TTC17: variants seen among roughly 807,000 people sequenced by gnomAD.
TTC17 encodes the protein tetratricopeptide repeat protein 17.
In TTC17, 58 loss-of-function variants were observed where a neutral mutation model predicts 143.8. The ratio of observed to expected loss-of-function variants is 0.40; its 90% CI spans 0.33 to 0.50. TTC17 has a LOEUF of 0.50. Ranked by LOEUF, TTC17 falls within the 20% of genes least tolerant of loss-of-function variation. The pLI, the probability that TTC17 is intolerant of heterozygous loss-of-function variation, is 0.49. For synonymous variants in TTC17, 501 were observed against 497.8 expected, an observed-to-expected ratio of 1.01 and a Z score of -0.09; for missense variants, 1,273 against 1,392.5, an observed-to-expected ratio of 0.91 and a Z score of 1.37.
At chr11:43,372,852 T>A (rs1362975916) in intron 1 of TTC17, among the ~76,000 whole-genome samples, 1 of 152,120 alleles carries the variant, frequency 6.6e-6, no homozygotes, top group Non-Finnish European at 1.5e-5. Context: ...ACCAAAAACC[T>A]GAATTTTAGT....
intron 21 of TTC17, among the ~76,000 whole-genome samples, chr11:43,457,216 A>C (rs1054344712): frequency 4.6e-5 from 7 of 152,064 alleles, no homozygotes; most frequent in African/African-American, 1.7e-4. Context: ...GAATTCCTGG[A>C]GTGCCACAGC....
intron 16 of TTC17, among the ~76,000 whole-genome samples, chr11:43,428,562 G>A (rs1360598360): frequency 6.6e-6 from 1 of 152,162 alleles, no homozygotes; most frequent in Non-Finnish European, 1.5e-5. Flanking sequence ...TTTAAGAGAA[G>A]GCCACATGGC....
At chr11:43,435,708 A>G (rs974941541) in intron 16 of TTC17, among the ~76,000 whole-genome samples, 1 of 152,202 alleles carries the variant, frequency 6.6e-6, no homozygotes, top group Non-Finnish European at 1.5e-5. Context: ...AATTTTTAAT[A>G]ATTCCTCACC....
At chr11:43,493,050 C>G (rs1488131333) in intron 23 of TTC17, among the ~76,000 whole-genome samples, 2 of 152,202 alleles carry the variant, frequency 1.3e-5, no homozygotes, top group Admixed American at 6.5e-5. Flanking sequence ...GCAGATTTCC[C>G]TCTGCTTCTT....
chr11:43,471,058 T>A (rs958940177), intron 21 of TTC17, among the ~76,000 whole-genome samples: 4 of 152,206 alleles, frequency 2.6e-5, no homozygotes, highest in African/African-American at 9.7e-5. Flanking sequence ...CTGTCAGCAG[T>A]TGGCATTAAC....
At chr11:43,457,275 C>T (rs1438850114) in intron 21 of TTC17, among the ~76,000 whole-genome samples, 3 of 151,994 alleles carry the variant, frequency 2.0e-5, no homozygotes, top group Admixed American at 6.5e-5. Context: ...AAACTGTATG[C>T]CCCAACTTAA....
At chr11:43,363,115 A>C (rs1413541103) in intron 1 of TTC17, among the ~76,000 whole-genome samples, 1 of 152,162 alleles carries the variant, frequency 6.6e-6, no homozygotes, top group East Asian at 1.9e-4. Context: ...GTGAGCTATT[A>C]TAATCTAGTT....
chr11:43,451,386 G>A, intron 21 of TTC17, 121 bp downstream of exon 21: 1 of 830,598 alleles, frequency 1.2e-6, no homozygotes, highest in Non-Finnish European at 2.0e-6. Flanking sequence ...GTGGCTAAAA[G>A]GATAATGTGA....
At chr11:43,478,579 A>C (rs1443818775) in intron 21 of TTC17, among the ~76,000 whole-genome samples, 1 of 152,144 alleles carries the variant, frequency 6.6e-6, no homozygotes, top group Non-Finnish European at 1.5e-5. Flanking sequence ...TGATGAGCAC[A>C]TGAGGGTTCA....
intron 21 of TTC17, among the ~76,000 whole-genome samples, chr11:43,486,872 C>CA (rs1948390636): frequency 1.3e-5 from 2 of 151,712 alleles, no homozygotes; most frequent in Admixed American, 6.6e-5. Flanking sequence ...CACATCTCTA[C>CA]AAAAAATTTA....
In TTC17 at chr11:43,404,044, A is replaced by G. The variant is rs1390207914; in HGVS notation, c.1379A>G (p.Asp460Gly). Residue 460 changes from aspartate to glycine, a missense_variant, in exon 11 of 24, where the codon GAT becomes GGT. Coordinates refer to ENST00000039989, the MANE Select transcript of TTC17 (RefSeq NM_018259.6). ...STSSMMSVNF[D>G]VQSNQSDIND... ...TCCAGTATGATGTCTGTGAACTTTG[A>G]TGTTCAATCAAATCAGAGTGATATC... The G allele has an allele frequency of 1.2e-6, 2 of 1,612,480 alleles. No individual in the cohort carries two copies. Among genetic ancestry groups the G allele is most frequent in the Non-Finnish European group, 1.7e-6 (2 of 1,179,282 alleles).
chr11:43,397,350 C>T lies in TTC17; in HGVS notation c.777C>T (p.His259=). The T allele has an allele frequency of 6.2e-7, 1 of 1,608,426 alleles. No individual in the cohort carries two copies. Residue 259 remains histidine, a synonymous_variant, in exon 7 of 24, where the codon CAC becomes CAT. Transcript: ENST00000039989. ...GAATATGTGCTGCTTTCCTTAGGCA[C>T]AATAAAGACATTGCCCTGGTCAACC... The part of the protein sequence containing the change: ...AMRALHFSSR[H]NKDIALVNLA...
intron 16 of TTC17, among the ~76,000 whole-genome samples, chr11:43,416,297 A>T (rs907980689): frequency 3.9e-4 from 60 of 152,074 alleles, no homozygotes; most frequent in African/African-American, 1.4e-3. Flanking sequence ...TATTAATAGA[A>T]TCTCTTTTCT....
At chr11:43,483,127 T>G (rs1231103657) in intron 21 of TTC17, among the ~76,000 whole-genome samples, 2 of 152,102 alleles carry the variant, frequency 1.3e-5, no homozygotes, top group Admixed American at 1.3e-4. Flanking sequence ...TTAAACTGAT[T>G]CAAGAACAAA....
At chr11:43,481,578 ATC>A (rs1204746840) in intron 21 of TTC17, among the ~76,000 whole-genome samples, 1 of 152,074 alleles carries the variant, frequency 6.6e-6, no homozygotes, top group Non-Finnish European at 1.5e-5. Flanking sequence ...TATTCAAATT[ATC>A]TCTTTCTTCT....
At chr11:43,435,527 AG>A (rs903078973) in intron 16 of TTC17, 8 of 152,234 alleles carry the variant, frequency 5.3e-5, no homozygotes, top group African/African-American at 1.7e-4. Context: ...TTTGACTCAC[AG>A]GTAAAAGTCG....
At chr11:43,379,194 A>T in intron 1 of TTC17, 39 bp from the exon 2 acceptor site, 1 of 1,576,380 alleles carries the variant, frequency 6.3e-7, no homozygotes, top group Non-Finnish European at 8.7e-7. Context: ...ACCAGCATTA[A>T]TGAAATCCGA....
Position 43,405,520 on chromosome 11 carries a change from C to G in TTC17, c.1486C>G (p.Gln496Glu). Residue 496 changes from glutamine (Q) to glutamate (E), a missense_variant, in exon 12 of 24, where the codon CAG becomes GAG. By Grantham distance (29) the Gln-to-Glu change is conservative. Coordinates refer to ENST00000039989, the MANE Select transcript of TTC17 (RefSeq NM_018259.6). ...GRDSDAYRDK[Q>E]HILWPKRADC... ...AATTTTGTTTCTTTATCAGGACAAA[C>G]AGCATATTCTATGGCCTAAAAGAGC... 6.2e-7 allele frequency: 1 copy of G among 1,613,284 alleles called. No homozygotes were observed.
rs377763673 is a variant in TTC17, at chr11:43,407,442, G to T, written c.1929G>T (p.Gln643His). The change falls in exon 15 of 24, where the codon CAG becomes CAT. Residue 643 changes from glutamine (Q) to histidine (H), a missense_variant. Around this residue, in one of 3 missense-constraint regions of TTC17, gnomAD observed 878 missense variants for 899.8 expected, o/e 0.98. Transcript: ENST00000039989. Reference protein sequence around the residue: ...GNSTFAIACLQRALNLAPLQY... With the variant: ...GNSTFAIACLHRALNLAPLQY... ...GCACTTTTGCTATTGCCTGTCTTCA[G>T]AGGGCTTTGAATTTAGCTCCACTTC... 30 of 1,613,924 alleles carry T rather than the reference G, an allele frequency of 1.9e-5. No individual in the cohort carries two copies. The highest frequency in any genetic ancestry group is 2.4e-5 in the Non-Finnish European group (28 of 1,179,984).
Sources: gnomAD v4.1 joint callset for allele counts (sites outside exome capture counted in the v4.1 genomes callset) on GRCh38, gnomAD v4.1.1 for gene constraint, gnomAD v4.1.1 regional missense constraint, MANE v1.5 for transcripts, NCBI Gene and HGNC (gene_info 2026-07-23, HGNC 2026-07-21) for gene names.